Variants in NRG1 observed in about 807,000 individuals in gnomAD.
NRG1 encodes neuregulin 1, also known as pro-neuregulin-1, membrane-bound isoform.
Under a neutral mutation model 63.8 loss-of-function variants are expected in NRG1, and 18 were observed. That is an observed-to-expected ratio of 0.28 (90% CI 0.19 to 0.42). The LOEUF (loss-of-function observed/expected upper bound fraction) is 0.42. Ranked by LOEUF, NRG1 falls within the 10% of genes least tolerant of loss-of-function variation. The probability of loss-of-function intolerance (pLI) is 1.00; values close to 1 mark genes in which losing one functional copy is unlikely to be tolerated. For missense variants in NRG1, 762 were observed against 814.7 expected, an observed-to-expected ratio of 0.94 and a Z score of 0.79; for synonymous variants, 302 against 301.3, an observed-to-expected ratio of 1.00 and a Z score of -0.02.
intron 5 of NRG1, among the ~76,000 whole-genome samples, chr8:32,652,091 C>T (rs1855259210): frequency 1.3e-5 from 2 of 152,126 alleles, no homozygotes. Flanking sequence ...AGAATTTAAA[C>T]ACACACACTC....
At chr8:31,865,010 G>A (rs1235783152) in intron 1 of NRG1, among the ~76,000 whole-genome samples, 2 of 152,132 alleles carry the variant, frequency 1.3e-5, no homozygotes, top group South Asian at 2.1e-4. Context: ...CTTCTAGCAT[G>A]CTTTGCTTTA....
intron 6 of NRG1, among the ~76,000 whole-genome samples, chr8:32,740,812 T>C (rs1826147041): frequency 6.6e-6 from 1 of 152,184 alleles, no homozygotes; most frequent in Non-Finnish European, 1.5e-5. Flanking sequence ...AACAGTTTTG[T>C]TCATATCTCT....
At chr8:32,300,784 A>G (rs1367306301) in intron 1 of NRG1, among the ~76,000 whole-genome samples, 1 of 152,216 alleles carries the variant, frequency 6.6e-6, no homozygotes, top group Non-Finnish European at 1.5e-5. Context: ...TAGGGGGTTG[A>G]CAGCCAGTAT....
In NRG1 at chr8:32,367,541, T is replaced by A. The variant is rs1808236725; in HGVS notation, c.38-228287T>A. Among the ~76,000 whole-genome samples, 3 of 152,176 alleles carry A rather than the reference T, an allele frequency of 2.0e-5. No individual in the cohort carries two copies. The South Asian group carries it at 6.2e-4, about 31-fold the overall frequency. On this transcript the variant is annotated intron_variant, in intron 1 of 10. Transcript: ENST00000519301. ...TTTGTTTTCGTTTTCATTTTGCTGT[T>A]ATGTTGTTCCTGGATATACAAGGAA...
intron 1 of NRG1, among the ~76,000 whole-genome samples, chr8:32,471,568 T>A (rs566605886): frequency 6.6e-6 from 1 of 152,302 alleles, no homozygotes; most frequent in Non-Finnish European, 1.5e-5. Flanking sequence ...AAGTTGAATC[T>A]AGTAGGGTTT....
At chr8:32,490,657 A>G (rs1249733423) in intron 1 of NRG1, among the ~76,000 whole-genome samples, 1 of 152,220 alleles carries the variant, frequency 6.6e-6, no homozygotes, top group Non-Finnish European at 1.5e-5. Context: ...AAGGACACCT[A>G]AAGCCCCAAA....
chr8:32,723,950 A>G (rs1821390550), intron 5 of NRG1, among the ~76,000 whole-genome samples: 1 of 152,178 alleles, frequency 6.6e-6, no homozygotes, highest in Admixed American at 6.5e-5. Context: ...CCCAGCAATG[A>G]TCATTTGTCC....
chr8:32,023,821 G>A (rs186754161), intron 1 of NRG1, among the ~76,000 whole-genome samples: 14 of 102,904 alleles, frequency 1.4e-4, no homozygotes, highest in Admixed American at 6.9e-4. Context: ...GCAGAAGAGC[G>A]TAGCTGCAGA....
chr8:32,366,719 C>CT (rs770143283), intron 1 of NRG1, among the ~76,000 whole-genome samples: 4,204 of 87,300 alleles, frequency 0.048, 147 homozygotes, highest in Non-Finnish European at 0.076. Flanking sequence ...ATATATCTCA[C>CT]TTTTTTTTTT....
chr8:32,323,394 TAAAG>T (rs1801639025), intron 1 of NRG1, among the ~76,000 whole-genome samples: 1 of 152,056 alleles, frequency 6.6e-6, no homozygotes, highest in African/African-American at 2.4e-5. Flanking sequence ...TGGAAAAAAA[TAAAG>T]AAAAGAGACT....
At chr8:32,715,851 T>A (rs1313622790) in intron 5 of NRG1, among the ~76,000 whole-genome samples, 2 of 152,060 alleles carry the variant, frequency 1.3e-5, no homozygotes, top group Non-Finnish European at 2.9e-5. Flanking sequence ...GCAATATTGG[T>A]CAGGCTGGTC....
At chr8:32,011,218 T>A (rs2129942635) in intron 1 of NRG1, among the ~76,000 whole-genome samples, 1 of 152,202 alleles carries the variant, frequency 6.6e-6, no homozygotes, top group Middle Eastern at 3.4e-3. Context: ...TTGTTTTCTT[T>A]TGCATATTAT....
In NRG1 at chr8:31,946,938, T is replaced by C. The variant is rs146371952; in HGVS notation, c.37+307507T>C. On this transcript the variant is annotated intron_variant, in intron 1 of 10. Coordinates refer to the NRG1 transcript ENST00000519301. The stretch of plus-strand genomic sequence containing the variant: ...ATTGTTTCTCTGCACATAGAACAAA[T>C]ATGGATCTAACTCATACTTCTGTGA... Among the ~76,000 whole-genome samples the C allele has an allele frequency of 4.3e-4, 65 of 152,334 alleles. 1 individual carries two copies. The highest frequency in any genetic ancestry group is 1.5e-3 in the African/African-American group (63 of 41,578).
intron 1 of NRG1, among the ~76,000 whole-genome samples, chr8:31,925,081 A>G (rs1002260874): frequency 1.3e-5 from 2 of 151,116 alleles, no homozygotes; most frequent in African/African-American, 4.9e-5. Context: ...TTATTTTAAA[A>G]GCAGTGCATT....
intron 1 of NRG1, among the ~76,000 whole-genome samples, chr8:32,104,657 A>C (rs1163308154): frequency 6.6e-6 from 1 of 151,984 alleles, no homozygotes; most frequent in African/African-American, 2.4e-5. Flanking sequence ...TCATTCTACA[A>C]ACTTTTTTGA....
At chr8:32,102,999 A>G (rs1432966953) in intron 1 of NRG1, among the ~76,000 whole-genome samples, 1 of 152,194 alleles carries the variant, frequency 6.6e-6, no homozygotes, top group African/African-American at 2.4e-5. Context: ...ATCATGGAAA[A>G]TGGGGTATCC....
chr8:31,769,512 G>T (rs1818407377), intron 1 of NRG1, among the ~76,000 whole-genome samples: 1 of 152,200 alleles, frequency 6.6e-6, no homozygotes, highest in African/African-American at 2.4e-5. Context: ...CAGAAAAAGA[G>T]GGTGGCGTTA....
intron 1 of NRG1, among the ~76,000 whole-genome samples, chr8:32,113,816 T>C (rs1832354582): frequency 6.6e-6 from 1 of 152,212 alleles, no homozygotes; most frequent in Non-Finnish European, 1.5e-5. Flanking sequence ...AAGGTACATA[T>C]GATTTAATAA....
At chr8:32,176,330 A>G (rs1840725346) in intron 1 of NRG1, among the ~76,000 whole-genome samples, 1 of 152,208 alleles carries the variant, frequency 6.6e-6, no homozygotes, top group Non-Finnish European at 1.5e-5. Context: ...AATTAATTCA[A>G]GGTGATTAAA....
Sources: allele counts gnomAD v4.1 joint callset (sites outside exome capture counted in the v4.1 genomes callset), GRCh38; gene constraint gnomAD v4.1.1; transcripts MANE v1.5; gene names NCBI Gene and HGNC (gene_info 2026-07-23, HGNC 2026-07-21).